BLVRA: variants seen among roughly 807,000 people sequenced by gnomAD.
BLVRA encodes the protein BVR A.
A neutral mutation model predicts 32.8 loss-of-function variants in BLVRA; 22 were observed. The observed-to-expected ratio is 0.67, with a 90% CI of 0.48 to 0.96. The LOEUF (loss-of-function observed/expected upper bound fraction) is 0.96, where lower values mean the gene tolerates loss of function less well. BLVRA is among the 40% of genes least tolerant of loss of function. The probability of loss-of-function intolerance (pLI) is 0.00; values close to 1 mark genes in which losing one functional copy is unlikely to be tolerated. For missense variants in BLVRA, 323 were observed against 358.1 expected, an observed-to-expected ratio of 0.90 and a Z score of 0.79; for synonymous variants, 119 against 141.3, an observed-to-expected ratio of 0.84 and a Z score of 1.12.
intron 3 of BLVRA, among the ~76,000 whole-genome samples, chr7:43,789,442 C>A (rs753341672): frequency 7.9e-5 from 12 of 152,272 alleles, no homozygotes; most frequent in Non-Finnish European, 1.2e-4. Flanking sequence ...CCAGCCTTCT[C>A]CTCCCCATAA....
Position 43,803,777 on chromosome 7 carries a change from G to C in BLVRA, c.562G>C (p.Ala188Pro). ...CTTTGGGGAGCTTTCTCTTGTGTCT[G>C]CCACTTTGGAAGAGCGAAAGGAAGA... is the stretch of plus-strand genomic sequence containing the variant. ...SLFGELSLVS[A>P]TLEERKEDQY... The change falls in exon 7 of 8, where the codon GCC (alanine) becomes CCC (proline). Residue 188 changes from alanine (A) to proline (P), a missense_variant. Ala to Pro is a conservative substitution (Grantham distance 27). Coordinates refer to ENST00000265523, the MANE Select transcript of BLVRA (RefSeq NM_000712.4). The C allele has an allele frequency of 1.9e-6, 3 of 1,614,146 alleles. No individual in the cohort carries two copies. The highest frequency in any genetic ancestry group is 2.5e-6 in the Non-Finnish European group (3 of 1,180,006).
intron 3 of BLVRA, among the ~76,000 whole-genome samples, chr7:43,790,506 G>T (rs1399683918): frequency 6.6e-6 from 1 of 151,994 alleles, no homozygotes; most frequent in African/African-American, 2.4e-5. Context: ...GGCTTCGTTA[G>T]CTTAGCTATA....
Position 43,792,709 on chromosome 7 carries a change from C to T in BLVRA, c.255-6C>T, listed in dbSNP as rs1444852263. ...TCTTTCTCTGTATTTGTCTCGTTTA[C>T]CAAAGGCAGTTCCTTAATGCTGGCA... On this transcript the variant is annotated splice_polypyrimidine_tract_variant and splice_region_variant and intron_variant, in intron 4 of 7. Coordinates refer to ENST00000265523, the MANE Select transcript of BLVRA (RefSeq NM_000712.4). The T allele has an allele frequency of 2.9e-5, 47 of 1,613,374 alleles. No homozygotes were observed. The highest frequency in any genetic ancestry group is 3.6e-5 in the Non-Finnish European group (42 of 1,179,470).
At chr7:43,772,977 T>A (rs1425832374) in intron 2 of BLVRA, among the ~76,000 whole-genome samples, 1 of 152,156 alleles carries the variant, frequency 6.6e-6, no homozygotes, top group Admixed American at 6.5e-5. Flanking sequence ...TGCTCAGACC[T>A]TGCACCACCT....
intron 2 of BLVRA, among the ~76,000 whole-genome samples, chr7:43,781,356 T>A (rs2095769204): frequency 6.6e-6 from 1 of 152,182 alleles, no homozygotes; most frequent in South Asian, 2.1e-4. Flanking sequence ...TGATATACTT[T>A]TTTTTTCCTG....
intron 5 of BLVRA, among the ~76,000 whole-genome samples, chr7:43,797,048 C>T (rs939130466): frequency 4.6e-5 from 7 of 152,336 alleles, no homozygotes; most frequent in African/African-American, 9.6e-5. Context: ...AACATGGAAG[C>T]AAGACCTTCC....
chr7:43,782,415 G>T (rs1402507545), intron 2 of BLVRA, among the ~76,000 whole-genome samples: 1 of 152,226 alleles, frequency 6.6e-6, no homozygotes, highest in East Asian at 1.9e-4. Context: ...GCTGGGGGCT[G>T]CCAGGATTCC....
chr7:43,792,403 A>G (rs17239608), intron 4 of BLVRA, among the ~76,000 whole-genome samples: 3,793 of 152,254 alleles, frequency 0.025, 138 homozygotes, highest in African/African-American at 0.085. Flanking sequence ...TGGTGATAGG[A>G]AATTTATTTG....
chr7:43,759,953 T>A (rs770819971), intron 1 of BLVRA: 2 of 151,540 alleles, frequency 1.3e-5, no homozygotes, highest in Non-Finnish European at 2.9e-5. Flanking sequence ...TTTTTAGGAA[T>A]AATTCTCAGT....
intron 1 of BLVRA, among the ~76,000 whole-genome samples, chr7:43,762,195 G>A (rs1029900973): frequency 1.3e-5 from 2 of 152,098 alleles, no homozygotes; most frequent in African/African-American, 4.8e-5. Context: ...CTCTGGCACT[G>A]TTGACATTTT....
intron 5 of BLVRA, among the ~76,000 whole-genome samples, chr7:43,799,410 A>C (rs971264960): frequency 6.6e-6 from 1 of 152,206 alleles, no homozygotes; most frequent in Non-Finnish European, 1.5e-5. Flanking sequence ...GAAATGAAAA[A>C]ATTTTTATAG....
intron 1 of BLVRA, among the ~76,000 whole-genome samples, chr7:43,763,904 G>A (rs768347507): frequency 1.3e-5 from 2 of 152,092 alleles, no homozygotes; most frequent in Non-Finnish European, 2.9e-5. Context: ...AACTTGGAGC[G>A]CCTTAAAAAA....
At chr7:43,795,438 C>T (rs755270850) in intron 5 of BLVRA, among the ~76,000 whole-genome samples, 1 of 151,998 alleles carries the variant, frequency 6.6e-6, no homozygotes, top group Non-Finnish European at 1.5e-5. Context: ...ATTGCTTAAA[C>T]CCAGGAGGCA....
intron 2 of BLVRA, among the ~76,000 whole-genome samples, chr7:43,774,468 T>C (rs1392289938): frequency 1.2e-4 from 19 of 152,260 alleles, no homozygotes; most frequent in Non-Finnish European, 4.4e-5. Context: ...GCATTATTTC[T>C]GAGGGCTCTG....
intron 1 of BLVRA, among the ~76,000 whole-genome samples, chr7:43,769,930 C>T (rs529888803): frequency 1.1e-4 from 17 of 152,316 alleles, no homozygotes; most frequent in African/African-American, 3.8e-4. Context: ...CTATTTTCAA[C>T]ACAAAGCCTA....
At chr7:43,773,060 A>G (rs2095756388) in intron 2 of BLVRA, among the ~76,000 whole-genome samples, 2 of 152,156 alleles carry the variant, frequency 1.3e-5, no homozygotes, top group South Asian at 4.1e-4. Context: ...ATATTTCAAA[A>G]TGCTTTCTTC....
At position 43,767,539 on chromosome 7, in the gene BLVRA, C is replaced by T. The variant is rs1001256637; in HGVS notation, c.-21-3599C>T. On this transcript the variant is annotated intron_variant, in intron 1 of 7. Transcript: ENST00000265523. ...TCACCGGCCATGTGGTGCTGGCCCT[C>T]TTTATGTATGTGGTCTGGAATGAAG... 12 of 1,110,862 alleles carry T rather than the reference C, an allele frequency of 1.1e-5. No homozygotes were observed. The African/African-American group carries it at 1.8e-4, about 17-fold the overall frequency. The allele number at this position is 1,110,862 out of a possible 1,614,324, so 68.8% of individuals were successfully genotyped here.
rs1421335369 is a variant in BLVRA at position 43,787,888 on chromosome 7, GTCCC to G, written c.13-14_13-11del. On this transcript the variant is annotated splice_polypyrimidine_tract_variant and intron_variant, in intron 2 of 7. Coordinates refer to ENST00000265523, the MANE Select transcript of BLVRA (RefSeq NM_000712.4). The surrounding 1 kb of genome is among the most constrained non-coding windows in gnomAD (Gnocchi z 4.5). Reference sequence around the variant, plus strand: ...TACAGTGTTTTCAGACTCCACCTTGGTCCCTTGTGTTTCAGCCCGAGAGGAAGTT... The same window carrying G: ...TACAGTGTTTTCAGACTCCACCTTGGTTGTGTTTCAGCCCGAGAGGAAGTT... 6 of 1,614,138 alleles carry G rather than the reference GTCCC, an allele frequency of 3.7e-6. No individual in the cohort carries two copies. Among genetic ancestry groups the G allele is most frequent in the Non-Finnish European group, 5.1e-6 (6 of 1,180,020 alleles).
At position 43,787,985 on chromosome 7, in the gene BLVRA, C is replaced by T. The variant is rs758855722; in HGVS notation, c.94C>T (p.Pro32Ser). 3 of 1,614,110 alleles carry T rather than the reference C, an allele frequency of 1.9e-6. No homozygotes were observed. Among genetic ancestry groups the T allele is most frequent in the East Asian group, 4.5e-5 (2 of 44,882 alleles). The change falls in exon 3 of 8, where the codon CCT (proline) becomes TCT (serine). Residue 32 changes from proline to serine, a missense_variant. Physicochemically the swap from Pro to Ser is moderately conservative, Grantham distance 74. Coordinates refer to ENST00000265523, the MANE Select transcript of BLVRA (RefSeq NM_000712.4). The surrounding 1 kb of genome is among the most constrained non-coding windows in gnomAD (Gnocchi z 4.5). ...VRMRDLRNPH[P>S]SSAFLNLIGF... ...GATGAGGGACTTGCGGAATCCACAC[C>T]CTTCCTCAGCGTTCCTGAACCTGAT...
Sources: gnomAD v4.1 joint callset for allele counts (sites outside exome capture counted in the v4.1 genomes callset) on GRCh38, gnomAD v4.1.1 for gene constraint, Gnocchi (gnomAD v3.1) non-coding constraint, MANE v1.5 for transcripts, NCBI Gene and HGNC (gene_info 2026-07-23, HGNC 2026-07-21) for gene names.